The following TNNI3K variants were observed in gnomAD, a reference collection of about 807,000 sequenced individuals.
TNNI3K encodes the protein TNNI3 interacting kinase.
In TNNI3K, 140 loss-of-function variants were observed where a neutral mutation model predicts 114.5. The observed-to-expected ratio is 1.22, with a 90% confidence interval of 1.07 to 1.41. The LOEUF is 1.41. Among genes scored for constraint, TNNI3K ranks in the 40% most tolerant of loss-of-function variants. TNNI3K has a pLI of 0.00. For synonymous variants in TNNI3K, 347 were observed against 347.5 expected, an observed-to-expected ratio of 1.00 and a Z score of 0.02; for missense variants, 1,125 against 1,007.6, an observed-to-expected ratio of 1.12 and a Z score of -1.58.
chr1:74,463,958 G>A (rs1667558369), intron 21 of TNNI3K, among the ~76,000 whole-genome samples: 1 of 152,220 alleles, frequency 6.6e-6, no homozygotes, highest in Non-Finnish European at 1.5e-5. Flanking sequence ...ACTGGCTCAC[G>A]TAGGAGGCAG....
intron 2 of TNNI3K, among the ~76,000 whole-genome samples, chr1:74,236,607 A>C (rs1306954475): frequency 6.6e-6 from 1 of 151,818 alleles, no homozygotes; most frequent in East Asian, 1.9e-4. Context: ...TTGAACTATG[A>C]CGGTAAGTCC....
At chr1:74,389,196 C>T (rs546936247) in intron 17 of TNNI3K, among the ~76,000 whole-genome samples, 2 of 152,018 alleles carry the variant, frequency 1.3e-5, no homozygotes, top group African/African-American at 4.8e-5. Flanking sequence ...GGATCTGAGA[C>T]GGAAGCCATG....
intron 5 of TNNI3K, among the ~76,000 whole-genome samples, chr1:74,291,393 G>A (rs1388717906): frequency 1.3e-5 from 2 of 151,428 alleles, no homozygotes; most frequent in Admixed American, 6.6e-5. Context: ...TTATGCATGT[G>A]GCTGTTACAT....
At chr1:74,451,682 C>CTTTTA (rs1222881369) in intron 20 of TNNI3K, among the ~76,000 whole-genome samples, 1 of 21,952 alleles carries the variant, frequency 4.6e-5, no homozygotes, top group Non-Finnish European at 8.8e-5. Flanking sequence ...CTTTTCTTTT[C>CTTTTA]TTTTCTTTCT....
At chr1:74,495,889 T>C (rs2100320818) in intron 23 of TNNI3K, among the ~76,000 whole-genome samples, 1 of 152,296 alleles carries the variant, frequency 6.6e-6, no homozygotes, top group Non-Finnish European at 1.5e-5. Flanking sequence ...TCAGCTTGTG[T>C]ATATGAAGGC....
intron 23 of TNNI3K, among the ~76,000 whole-genome samples, chr1:74,513,033 C>G (rs1230815886): frequency 6.6e-6 from 1 of 152,188 alleles, no homozygotes; most frequent in African/African-American, 2.4e-5. Flanking sequence ...ATAGTCTTGA[C>G]TCTTTAAAGT....
intron 17 of TNNI3K, among the ~76,000 whole-genome samples, chr1:74,433,918 A>G (rs1457330232): frequency 6.6e-6 from 1 of 151,790 alleles, no homozygotes; most frequent in Non-Finnish European, 1.5e-5. Flanking sequence ...AGAGTTTTGG[A>G]GGTTATCTTT....
At chr1:74,363,409 C>CT in intron 11 of TNNI3K, among the ~76,000 whole-genome samples, 1 of 152,042 alleles carries the variant, frequency 6.6e-6, no homozygotes, top group East Asian at 1.9e-4. Flanking sequence ...TATCATCAGC[C>CT]AGAACCCAGG....
intron 20 of TNNI3K, among the ~76,000 whole-genome samples, chr1:74,458,084 A>C (rs1667301361): frequency 1.3e-5 from 2 of 152,186 alleles, no homozygotes; most frequent in South Asian, 4.1e-4. Context: ...TGATGATAAT[A>C]GCAACAACAA....
chr1:74,253,692 GC>G (rs1281913881), intron 4 of TNNI3K, among the ~76,000 whole-genome samples: 1 of 152,044 alleles, frequency 6.6e-6, no homozygotes, highest in African/African-American at 2.4e-5. Flanking sequence ...TGGGCCGCAA[GC>G]CCCGCCGTGC....
chr1:74,388,343 G>A (rs532824215), intron 17 of TNNI3K, among the ~76,000 whole-genome samples: 2 of 152,172 alleles, frequency 1.3e-5, no homozygotes, highest in Non-Finnish European at 2.9e-5. Context: ...TCTTCCTCTT[G>A]ATGGCCACAA....
intron 13 of TNNI3K, 44 bp from the exon 14 acceptor site, chr1:74,368,978 G>A (rs1662437662): frequency 1.3e-6 from 2 of 1,518,982 alleles, no homozygotes; most frequent in African/African-American, 2.8e-5. Flanking sequence ...ATCCATGTGT[G>A]TGGTTTTTAC....
chr1:74,393,517 T>A (rs1663907226), intron 17 of TNNI3K, among the ~76,000 whole-genome samples: 1 of 152,184 alleles, frequency 6.6e-6, no homozygotes, highest in Non-Finnish European at 1.5e-5. Context: ...AAATAGAAAT[T>A]AATTTTCCAG....
intron 20 of TNNI3K, among the ~76,000 whole-genome samples, chr1:74,443,700 C>G (rs1339312317): frequency 6.6e-6 from 1 of 152,042 alleles, no homozygotes; most frequent in Non-Finnish European, 1.5e-5. Context: ...GGCAGAGATA[C>G]AACAAAAAAA....
intron 21 of TNNI3K, chr1:74,472,290 A>G: frequency 1.5e-6 from 1 of 649,348 alleles, no homozygotes; most frequent in Non-Finnish European, 2.8e-6. Context: ...TGAAAAGTAT[A>G]AAACTGACTC....
intron 21 of TNNI3K, among the ~76,000 whole-genome samples, chr1:74,481,487 A>G (rs1325016624): frequency 6.6e-6 from 1 of 152,182 alleles, no homozygotes; most frequent in East Asian, 1.9e-4. Flanking sequence ...AGGAGCATTG[A>G]TTTCTGCTTT....
intron 5 of TNNI3K, among the ~76,000 whole-genome samples, chr1:74,279,972 C>T (rs541878325): frequency 9.2e-5 from 14 of 152,282 alleles, no homozygotes; most frequent in African/African-American, 2.6e-4. Context: ...CCCCAGCAAT[C>T]GTCCCCTTAA....
At chr1:74,249,768 C>T (rs10493538) in intron 3 of TNNI3K, among the ~76,000 whole-genome samples, 4,052 of 152,146 alleles carry the variant, frequency 0.027, 194 homozygotes, top group African/African-American at 0.094. Context: ...TACCGGAAAC[C>T]AAGTCCCTCA....
chr1:74,250,624 C>T (rs1157269974), intron 3 of TNNI3K, 48 bp from the exon 4 acceptor site: 1 of 1,563,456 alleles, frequency 6.4e-7, no homozygotes, highest in Admixed American at 1.8e-5. Context: ...GTCTCAAACT[C>T]ACCCCATCCC....
Sources: gnomAD v4.1 joint callset for allele counts (sites outside exome capture counted in the v4.1 genomes callset) on GRCh38, gnomAD v4.1.1 for gene constraint, MANE v1.5 for transcripts, NCBI Gene and HGNC (gene_info 2026-07-23, HGNC 2026-07-21) for gene names.